Variants in RPL35 observed in about 807,000 individuals in gnomAD.
The protein encoded by RPL35 is large ribosomal subunit protein uL29.
Under a neutral mutation model 15.6 loss-of-function variants are expected in RPL35, and 2 were observed. The ratio of observed to expected loss-of-function variants is 0.13; its 90% CI spans 0.05 to 0.40. RPL35 has a LOEUF of 0.40. RPL35 is among the 10% of genes least tolerant of loss of function. The pLI, the probability that RPL35 is intolerant of heterozygous loss-of-function variation, is 0.99. For synonymous variants in RPL35, 93 were observed against 67.9 expected, an observed-to-expected ratio of 1.37 and a Z score of -1.82; for missense variants, 111 against 164.7, an observed-to-expected ratio of 0.67 and a Z score of 1.79.
At chr9:124,858,938 G>C (rs1161775562) in intron 3 of RPL35, among the ~76,000 whole-genome samples, 1 of 152,206 alleles carries the variant, frequency 6.6e-6, no homozygotes, top group Non-Finnish European at 1.5e-5. Context: ...AAAGATCCTG[G>C]ACAATGAGGG....
intron 3 of RPL35, among the ~76,000 whole-genome samples, chr9:124,859,579 AT>A (rs1325757908): frequency 6.6e-6 from 1 of 152,142 alleles, no homozygotes; most frequent in Non-Finnish European, 1.5e-5. Flanking sequence ...TTCAGAATAC[AT>A]TGGATGCATG....
chr9:124,861,594 G>A, intron 1 of RPL35, 39 bp from the exon 2 acceptor site: 3 of 1,606,342 alleles, frequency 1.9e-6, no homozygotes, highest in East Asian at 2.2e-5. Context: ...CAGGCCGCGG[G>A]GCCATATCCC....
At position 124,861,563 on chromosome 9, in the gene RPL35, CAA is replaced by C. The variant is rs1564308961; in HGVS notation, c.4-10_4-9del. The C allele has an allele frequency of 6.2e-7, 1 of 1,613,316 alleles. No individual in the cohort carries two copies. ...TCGAGCCTTGATCTTGGCCTGCGCG[CAA>C]GAGAGAGTGTGCCTCAGCCAGGCCG... On this transcript the variant is annotated splice_polypyrimidine_tract_variant and intron_variant, in intron 1 of 3. Coordinates refer to ENST00000348462, the MANE Select transcript of RPL35 (RefSeq NM_007209.4).
Position 124,860,404 on chromosome 9 carries a change from G to A in RPL35, c.141-140C>T, listed in dbSNP as rs1299305267. On this transcript the variant is annotated intron_variant, in intron 2 of 3. Transcript: ENST00000348462. ...CACTCAGGAGGAAGGCGTTCTGGGA[G>A]TGAGGTCTGAGGAGGGAAGAGAGGG... is the stretch of plus-strand genomic sequence containing the variant. 5.5e-6 allele frequency: 4 copies of A among 729,106 alleles called. No individual in the cohort carries two copies. The East Asian group carries it at 1.0e-4, about 19-fold the overall frequency. The allele number at this position is 729,106 out of a possible 1,614,324, so 45.2% of individuals were successfully genotyped here.
chr9:124,861,886 G>A (rs1402256445), intron 1 of RPL35, 24 bp downstream of exon 1: 8 of 1,602,818 alleles, frequency 5.0e-6, no homozygotes, highest in Non-Finnish European at 6.8e-6. Context: ...GCGCTCGGAT[G>A]GCGCCCGATT....
intron 1 of RPL35, 38 bp downstream of exon 1, chr9:124,861,872 C>G: frequency 6.2e-7 from 1 of 1,601,672 alleles, no homozygotes; most frequent in Non-Finnish European, 8.5e-7. Flanking sequence ...CCCCGCGCCT[C>G]ACAGCGCTCG....
At chr9:124,859,164 C>T (rs971101937) in intron 3 of RPL35, among the ~76,000 whole-genome samples, 1 of 152,220 alleles carries the variant, frequency 6.6e-6, no homozygotes, top group African/African-American at 2.4e-5. Flanking sequence ...GCTAACATAG[C>T]CACACTATGG....
chr9:124,858,553 G>A (rs779090036), intron 3 of RPL35: 1 of 712,808 alleles, frequency 1.4e-6, no homozygotes, highest in East Asian at 2.7e-5. Flanking sequence ...TGAACGTCCA[G>A]CCTCAGAGGC....
At position 124,861,950 on chromosome 9, in the gene RPL35, G is replaced by A. The variant is rs760388173; in HGVS notation, c.-38C>T. ...CGCCAACGCCGCCGCCCGCTCCGAGGGAAAGAGGAAGTAGGCGGGGCTGAC... is the reference window on the plus strand; with the variant it reads ...CGCCAACGCCGCCGCCCGCTCCGAGAGAAAGAGGAAGTAGGCGGGGCTGAC... On this transcript the variant is annotated 5_prime_UTR_variant, in exon 1 of 4. Coordinates refer to ENST00000348462, the MANE Select transcript of RPL35 (RefSeq NM_007209.4). The A allele has an allele frequency of 2.1e-5, 34 of 1,594,726 alleles. No individual in the cohort carries two copies. The highest frequency in any genetic ancestry group is 9.1e-5 in the East Asian group (4 of 43,944).
chr9:124,858,353 T>A, intron 3 of RPL35: 1 of 634,682 alleles, frequency 1.6e-6, no homozygotes, highest in Non-Finnish European at 2.9e-6. Context: ...GACTCCCAAC[T>A]CAGTGCTCCT....
At position 124,861,404 on chromosome 9, in the gene RPL35, G is replaced by C. The variant is rs202022914; in HGVS notation, c.140+15C>G. On this transcript the variant is annotated intron_variant, in intron 2 of 3. Coordinates refer to ENST00000348462, the MANE Select transcript of RPL35 (RefSeq NM_007209.4). The stretch of plus-strand genomic sequence containing the variant: ...TCCCCACCCACGAGGGCTGTGATCC[G>C]GCCGCCTCACTTACATCTTAGAGAG... 128 of 1,606,032 alleles carry C rather than the reference G, an allele frequency of 8.0e-5. 1 individual carries two copies. The highest frequency in any genetic ancestry group is 1.0e-4 in the Non-Finnish European group (122 of 1,176,166).
At chr9:124,859,681 A>C (rs1004893413) in intron 3 of RPL35, among the ~76,000 whole-genome samples, 2 of 152,206 alleles carry the variant, frequency 1.3e-5, no homozygotes, top group Non-Finnish European at 2.9e-5. Flanking sequence ...TCAAAATTCA[A>C]GACTAAGAGG....
rs764405583 is a variant in RPL35 at position 124,861,573 on chromosome 9, T to G, written c.4-18A>C. ...ATCTTGGCCTGCGCGCAAGAGAGAGTGTGCCTCAGCCAGGCCGCGGGGCCA... is the reference window on the plus strand; with the variant it reads ...ATCTTGGCCTGCGCGCAAGAGAGAGGGTGCCTCAGCCAGGCCGCGGGGCCA... On this transcript the variant is annotated intron_variant, in intron 1 of 3. Transcript: ENST00000348462. 3.2e-5 allele frequency: 51 copies of G among 1,612,606 alleles called. No individual in the cohort carries two copies. The South Asian group carries it at 5.4e-4, about 17-fold the overall frequency.
intron 3 of RPL35, among the ~76,000 whole-genome samples, chr9:124,859,731 C>A (rs1459254104): frequency 6.6e-6 from 1 of 152,152 alleles, no homozygotes; most frequent in African/African-American, 2.4e-5. Context: ...ACACTAAAGC[C>A]GACCCTCCCC....
intron 3 of RPL35, 118 bp from the exon 4 acceptor site, chr9:124,858,185 C>T: frequency 1.1e-6 from 1 of 907,778 alleles, no homozygotes; most frequent in Non-Finnish European, 1.6e-6. Flanking sequence ...CACCATGGGA[C>T]TGCCAGCAGG....
chr9:124,858,320 C>T (rs1276483950), intron 3 of RPL35: 4 of 620,650 alleles, frequency 6.4e-6, no homozygotes, highest in East Asian at 2.8e-5. Context: ...GTGGAAGAGC[C>T]GGGGCTTGCA....
chr9:124,861,167 G>A (rs1437838806), intron 2 of RPL35: 7 of 462,946 alleles, frequency 1.5e-5, no homozygotes, highest in Middle Eastern at 5.8e-4. Flanking sequence ...GGTGGGAAGC[G>A]GAAGGAAGGG....
chr9:124,861,927 C>A lies in RPL35; in HGVS notation c.-15G>T, dbSNP rs965575218. 2.5e-6 allele frequency: 4 copies of A among 1,599,976 alleles called. No individual in the cohort carries two copies. The highest frequency in any genetic ancestry group is 1.7e-5 in the Admixed American group (1 of 58,780). On this transcript the variant is annotated 5_prime_UTR_variant, in exon 1 of 4. Transcript: ENST00000348462. ...GCTCTCACCATTGCTGCACAAGCCGCCAACGCCGCCGCCCGCTCCGAGGGA... is the reference window on the plus strand; with the variant it reads ...GCTCTCACCATTGCTGCACAAGCCGACAACGCCGCCGCCCGCTCCGAGGGA...
intron 2 of RPL35, among the ~76,000 whole-genome samples, chr9:124,860,715 C>G (rs972263937): frequency 2.6e-5 from 4 of 152,174 alleles, no homozygotes; most frequent in African/African-American, 9.7e-5. Flanking sequence ...GTAGTCATGT[C>G]AGGATGAGGG....
Sources: allele counts gnomAD v4.1 joint callset (sites outside exome capture counted in the v4.1 genomes callset), GRCh38; gene constraint gnomAD v4.1.1; transcripts MANE v1.5; gene names NCBI Gene and HGNC (gene_info 2026-07-23, HGNC 2026-07-21).